SLC6A11: variants seen among roughly 807,000 people sequenced by gnomAD.
SLC6A11 encodes the protein solute carrier family 6 member 11, also known as sodium- and chloride-dependent GABA transporter 3.
Under a neutral mutation model 74.8 loss-of-function variants are expected in SLC6A11, and 25 were observed. The observed-to-expected ratio is 0.33, with a 90% CI of 0.24 to 0.47. SLC6A11 has a LOEUF of 0.47. Among genes scored for constraint, SLC6A11 ranks in the 20% least tolerant of loss-of-function variants. SLC6A11 has a pLI of 1.00. For missense variants in SLC6A11, 574 were observed against 837.0 expected (o/e 0.69, Z 3.88); for synonymous variants, 330 against 330.2 (o/e 1.00, Z 0.01).
At chr3:10,936,180 TAA>T (rs1253448879) in intron 13 of SLC6A11, among the ~76,000 whole-genome samples, 1 of 152,390 alleles carries the variant, frequency 6.6e-6, no homozygotes, top group East Asian at 1.9e-4. Flanking sequence ...TTACAAATAC[TAA>T]GTCATTTAAT....
chr3:10,932,832 T>C (rs1695708825), intron 10 of SLC6A11, among the ~76,000 whole-genome samples: 2 of 152,048 alleles, frequency 1.3e-5, no homozygotes, highest in Admixed American at 6.6e-5. Context: ...CAGGAGGCTG[T>C]TATACCCATC....
Position 10,875,090 on chromosome 3 carries a change from C to G in SLC6A11, c.886C>G (p.Pro296Ala), listed in dbSNP as rs1356919073. The G allele has an allele frequency of 1.2e-6, 2 of 1,606,936 alleles. No individual in the cohort carries two copies. The highest frequency in any genetic ancestry group is 3.4e-5 in the Admixed American group (2 of 59,688). ...CCCTGACCTCTCCCGGCTCTCCGAC[C>G]CCCAGGTAAGAGTCGCTTGCTCAAT... ...LYPDLSRLSD[P>A]QVWVDAGTQI... is the part of the protein sequence containing the mutation. The change falls in exon 6 of 14, where the codon CCC becomes GCC. Residue 296 changes from proline to alanine, a missense_variant. Pro to Ala is a conservative substitution (Grantham distance 27). This residue lies in a region of SLC6A11 where 215 missense variants were observed against 357.9 expected (regional missense o/e 0.60). Coordinates refer to ENST00000254488, the MANE Select transcript of SLC6A11 (RefSeq NM_014229.3).
intron 3 of SLC6A11, among the ~76,000 whole-genome samples, chr3:10,822,387 C>T (rs917369214): frequency 3.9e-5 from 6 of 152,268 alleles, no homozygotes; most frequent in East Asian, 1.9e-4. Flanking sequence ...CTGGGCAATA[C>T]CCGTGGCAAA....
Position 10,842,794 on chromosome 3 carries a change from T to C in SLC6A11, c.624-1420T>C, listed in dbSNP as rs548451987. On this transcript the variant is annotated intron_variant, in intron 4 of 13. Coordinates refer to ENST00000254488, the MANE Select transcript of SLC6A11 (RefSeq NM_014229.3). ...CTATGGGTGTGAGAGCTGATTTCCT[T>C]TTGAGTAAATCTATGGCTGCACACA... Among the ~76,000 whole-genome samples, 4 of 152,286 alleles carry C rather than the reference T, an allele frequency of 2.6e-5. No individual in the cohort carries two copies. The South Asian group carries it at 8.3e-4, about 32-fold the overall frequency.
rs2124828176 is a variant in SLC6A11, at chr3:10,940,121, T to A, written c.*1719T>A. ...CTAAGAGGGATGCCCAGTGCCCCAC[T>A]GGGCAGGACGGGAAGCCTAGCCTGG... On this transcript the variant is annotated 3_prime_UTR_variant, in exon 14 of 14. Coordinates refer to ENST00000254488, the MANE Select transcript of SLC6A11 (RefSeq NM_014229.3). The A allele has an allele frequency of 6.6e-6, 1 of 152,382 alleles. No individual in the cohort carries two copies. Among genetic ancestry groups the A allele is most frequent in the East Asian group, 1.9e-4 (1 of 5,174 alleles). 9.4% of individuals were successfully genotyped at this position (152,382 alleles called of 1,614,324 possible). A position where few individuals can be genotyped will look rare whatever the true frequency, so the allele number is the denominator to read the frequency against.
At chr3:10,910,185 T>G (rs1158281790) in intron 6 of SLC6A11, among the ~76,000 whole-genome samples, 2 of 152,214 alleles carry the variant, frequency 1.3e-5, no homozygotes, top group African/African-American at 2.4e-5. Context: ...AATACACTTA[T>G]TTCTCAGGTT....
chr3:10,917,130 A>G (rs962068441), intron 7 of SLC6A11, among the ~76,000 whole-genome samples: 2 of 152,166 alleles, frequency 1.3e-5, no homozygotes, highest in Non-Finnish European at 2.9e-5. Context: ...GGGAACTGGA[A>G]TGTGTAACAC....
chr3:10,818,557 A>G (rs896560553), intron 1 of SLC6A11, among the ~76,000 whole-genome samples: 7 of 152,248 alleles, frequency 4.6e-5, no homozygotes, highest in Non-Finnish European at 8.8e-5. Context: ...TGATCCTGCT[A>G]TCAGGATTCA....
chr3:10,850,427 T>C (rs755914187), intron 5 of SLC6A11, among the ~76,000 whole-genome samples: 1 of 152,206 alleles, frequency 6.6e-6, no homozygotes, highest in African/African-American at 2.4e-5. Context: ...TTCTTTTCAA[T>C]GGCGAGTGAA....
intron 13 of SLC6A11, among the ~76,000 whole-genome samples, chr3:10,936,571 C>T (rs1368588868): frequency 6.6e-6 from 1 of 152,228 alleles, no homozygotes; most frequent in Non-Finnish European, 1.5e-5. Context: ...GTCATGCATC[C>T]AGCCAGAAGG....
At chr3:10,934,207 C>T in intron 12 of SLC6A11, 41 bp downstream of exon 12, 1 of 1,353,894 alleles carries the variant, frequency 7.4e-7, no homozygotes, top group Non-Finnish European at 1.1e-6. Flanking sequence ...CATCTACCCA[C>T]CCATCTACCC....
rs1559586286 is a variant in SLC6A11, at chr3:10,926,476, A to AG, written c.1233+361dup. On this transcript the variant is annotated intron_variant, in intron 9 of 13. Transcript: ENST00000254488. The surrounding 1 kb of genome is among the most constrained non-coding windows in gnomAD (Gnocchi z 5.7). ...CAACAGCACTGCCTGGCACAGCAGAAGAGAGTCTCAGAGAGTGAGTTCCAC... is the reference window on the plus strand; with the variant it reads ...CAACAGCACTGCCTGGCACAGCAGAAGGAGAGTCTCAGAGAGTGAGTTCCAC... Among the ~76,000 whole-genome samples, 1 of 152,198 alleles carries AG rather than the reference A, an allele frequency of 6.6e-6. No individual in the cohort carries two copies. The highest frequency in any genetic ancestry group is 1.5e-5 in the Non-Finnish European group (1 of 68,028).
intron 4 of SLC6A11, among the ~76,000 whole-genome samples, chr3:10,831,542 C>G (rs1306657860): frequency 6.6e-6 from 1 of 151,910 alleles, no homozygotes; most frequent in Non-Finnish European, 1.5e-5. Flanking sequence ...CCTTTATAAC[C>G]ATAAACCATG....
intron 4 of SLC6A11, among the ~76,000 whole-genome samples, chr3:10,835,457 T>A (rs1694354616): frequency 6.6e-6 from 1 of 152,168 alleles, no homozygotes; most frequent in African/African-American, 2.4e-5. Flanking sequence ...GCACTTTGCC[T>A]CCTGACCTGC....
chr3:10,863,809 G>A (rs1200079114), intron 5 of SLC6A11, among the ~76,000 whole-genome samples: 2 of 152,108 alleles, frequency 1.3e-5, no homozygotes, highest in African/African-American at 4.8e-5. Flanking sequence ...GGGGACACAG[G>A]AGGACATGGT....
At chr3:10,933,127 G>A (rs745465837) in intron 10 of SLC6A11, 24 bp from the exon 11 acceptor site, 26 of 1,564,182 alleles carry the variant, frequency 1.7e-5, no homozygotes, top group East Asian at 6.7e-5. Flanking sequence ...CCTCCCATCC[G>A]TGTGTCTGTT....
At chr3:10,818,019 T>TA (rs961258298) in intron 1 of SLC6A11, among the ~76,000 whole-genome samples, 43 of 151,164 alleles carry the variant, frequency 2.8e-4, no homozygotes, top group African/African-American at 9.0e-4. Flanking sequence ...AAAGCATTCA[T>TA]AAAAGCAGAA....
intron 4 of SLC6A11, among the ~76,000 whole-genome samples, chr3:10,839,496 T>C (rs1263270460): frequency 6.6e-6 from 1 of 152,124 alleles, no homozygotes; most frequent in Admixed American, 6.5e-5. Flanking sequence ...AGGATACCCC[T>C]CCTTGGGTTG....
At chr3:10,896,943 G>A (rs890526779) in intron 6 of SLC6A11, among the ~76,000 whole-genome samples, 7 of 152,192 alleles carry the variant, frequency 4.6e-5, no homozygotes, top group Non-Finnish European at 1.0e-4. Context: ...AAAGAAAGAG[G>A]TTTATTGGTC....
Sources: gnomAD v4.1 joint callset for allele counts (sites outside exome capture counted in the v4.1 genomes callset) on GRCh38, gnomAD v4.1.1 for gene constraint, gnomAD v4.1.1 regional missense constraint, Gnocchi (gnomAD v3.1) non-coding constraint, MANE v1.5 for transcripts, NCBI Gene and HGNC (gene_info 2026-07-23, HGNC 2026-07-21) for gene names.